RARB: variants seen among roughly 807,000 people sequenced by gnomAD.
The protein encoded by RARB is HBV-activated protein.
A neutral mutation model predicts 51.9 loss-of-function variants in RARB; 17 were observed. That is an observed-to-expected ratio of 0.33 (90% CI 0.22 to 0.49). RARB has a LOEUF of 0.49. Ranked by LOEUF, RARB falls within the 20% of genes least tolerant of loss-of-function variation. The probability of loss-of-function intolerance (pLI) is 0.99; values close to 1 mark genes in which losing one functional copy is unlikely to be tolerated. For synonymous variants in RARB, 215 were observed against 195.4 expected, an observed-to-expected ratio of 1.10 and a Z score of -0.84; for missense variants, 369 against 550.8, an observed-to-expected ratio of 0.67 and a Z score of 3.30.
At chr3:25,442,116 T>TTTTATTTATTTA (rs148774111) in intron 1 of RARB, among the ~76,000 whole-genome samples, 2,049 of 147,794 alleles carry the variant, frequency 0.014, 29 homozygotes, top group Middle Eastern at 0.028. Flanking sequence ...TTTATTTTAT[T>TTTTATTTATTTA]TTTATTTATT....
At chr3:25,351,634 G>T (rs555355319) in intron 5 of RARB, among the ~76,000 whole-genome samples, 1 of 152,184 alleles carries the variant, frequency 6.6e-6, no homozygotes, top group African/African-American at 2.4e-5. Flanking sequence ...ACACTTGGGC[G>T]TTTTCAAAAG....
chr3:25,099,753 TTCCGAGTCTCGGCAA>T (rs1283348783), intron 3 of RARB, among the ~76,000 whole-genome samples: 2 of 152,134 alleles, frequency 1.3e-5, no homozygotes, highest in Admixed American at 1.3e-4. Context: ...TTTTTCGGTT[TTCCGAGTCTCGGCAA>T]TCATAGACCT....
At chr3:25,205,371 C>A (rs1000696530) in intron 5 of RARB, among the ~76,000 whole-genome samples, 1 of 152,182 alleles carries the variant, frequency 6.6e-6, no homozygotes, top group Non-Finnish European at 1.5e-5. Context: ...CCTTGCACTT[C>A]CCGGGTGAGG....
At chr3:24,969,220 T>C (rs1415101924) in intron 2 of RARB, among the ~76,000 whole-genome samples, 1 of 152,094 alleles carries the variant, frequency 6.6e-6, no homozygotes, top group Non-Finnish European at 1.5e-5. Context: ...TCAATCTAAA[T>C]TTTCTTACCT....
At chr3:25,286,634 A>G (rs916512514) in intron 5 of RARB, among the ~76,000 whole-genome samples, 1 of 152,182 alleles carries the variant, frequency 6.6e-6, no homozygotes, top group East Asian at 1.9e-4. Flanking sequence ...GGCCCTTTGG[A>G]GGAAACTCCA....
At chr3:25,270,290 T>C (rs1356780324) in intron 5 of RARB, among the ~76,000 whole-genome samples, 1 of 152,144 alleles carries the variant, frequency 6.6e-6, no homozygotes, top group Non-Finnish European at 1.5e-5. Flanking sequence ...CAACAGAATA[T>C]TATTTTGCTT....
chr3:25,528,626 C>A lies in RARB; in HGVS notation c.448+27303C>A, dbSNP rs548232691. On this transcript the variant is annotated intron_variant, in intron 3 of 7. Coordinates refer to ENST00000330688, the MANE Select transcript of RARB (RefSeq NM_000965.5). ...GATCCAATCAGGTGGGATCTCAAAGCAGTCTCCTTCCCCTTACCTCCTCCT... is the reference window on the plus strand; with the variant it reads ...GATCCAATCAGGTGGGATCTCAAAGAAGTCTCCTTCCCCTTACCTCCTCCT... Among the ~76,000 whole-genome samples the A allele has an allele frequency of 1.1e-4, 17 of 152,186 alleles. 1 individual carries two copies. In the South Asian group the frequency reaches 3.1e-3, roughly 28 times the overall value.
rs541589184 is a variant in RARB, at chr3:25,403,354, CA to C, written c.179-57835del. On this transcript the variant is annotated intron_variant, in intron 5 of 11. Coordinates refer to the RARB transcript ENST00000383772. ...GTTATTTCACATTGCATGCCTGTAT[CA>C]AAACATCTCATGTACCCATAAATAT... Among the ~76,000 whole-genome samples the C allele has an allele frequency of 3.3e-3, 504 of 152,146 alleles. 5 individuals are homozygous for C. Among genetic ancestry groups the C allele is most frequent in the African/African-American group, 0.011 (476 of 41,506 alleles).
At chr3:25,421,508 T>G (rs140303743) in intron 5 of RARB, among the ~76,000 whole-genome samples, 1 of 146,220 alleles carries the variant, frequency 6.8e-6, no homozygotes, top group African/African-American at 2.6e-5. Flanking sequence ...ACCTCCCAGG[T>G]TCAAGCAATT....
chr3:25,141,321 G>T (rs1039422496), intron 4 of RARB, among the ~76,000 whole-genome samples: 5 of 151,844 alleles, frequency 3.3e-5, no homozygotes, highest in Admixed American at 3.3e-4. Context: ...GAATAAGGAT[G>T]GTACAAATAG....
rs116922359 is a variant in RARB at position 25,195,078 on chromosome 3, A to G, written c.178+20503A>G. Among the ~76,000 whole-genome samples the G allele has an allele frequency of 6.3e-3, 958 of 152,202 alleles. 18 individuals carry two copies. The highest frequency in any genetic ancestry group is 0.03 in the East Asian group (155 of 5,172). On this transcript the variant is annotated intron_variant, in intron 5 of 11. Transcript: ENST00000383772. ...TCTCTAAAAGTGTGTGCTTGACATC[A>G]GTCAGTAATTAGAAGGCAAAAGACA...
At chr3:25,432,617 A>AC (rs1176057097) in intron 1 of RARB, among the ~76,000 whole-genome samples, 1 of 152,210 alleles carries the variant, frequency 6.6e-6, no homozygotes, top group African/African-American at 2.4e-5. Context: ...AATAAAAAAA[A>AC]GTTCTTCTGG....
At chr3:25,533,724 A>G (rs560533322) in intron 3 of RARB, among the ~76,000 whole-genome samples, 14 of 152,358 alleles carry the variant, frequency 9.2e-5, no homozygotes, top group Non-Finnish European at 2.1e-4. Flanking sequence ...CTATTAGACA[A>G]TGCTAAATGA....
intron 3 of RARB, among the ~76,000 whole-genome samples, chr3:25,545,527 A>G (rs1255811019): frequency 6.6e-6 from 1 of 152,128 alleles, no homozygotes; most frequent in Non-Finnish European, 1.5e-5. Context: ...CTGGCCATCC[A>G]ACGTTCACCC....
chr3:24,921,104 C>T (rs1292371613), intron 2 of RARB, among the ~76,000 whole-genome samples: 1 of 152,100 alleles, frequency 6.6e-6, no homozygotes, highest in Non-Finnish European at 1.5e-5. Context: ...TTACTAATCT[C>T]TTAACTAGTA....
chr3:25,286,144 A>C (rs1368007365), intron 5 of RARB, among the ~76,000 whole-genome samples: 1 of 120,612 alleles, frequency 8.3e-6, no homozygotes, highest in Non-Finnish European at 1.6e-5. Context: ...GCTGGAGTGC[A>C]GTGGCATGAT....
At chr3:25,171,643 T>TCAAAAAAAAAAAA (rs1553639737) in intron 4 of RARB, among the ~76,000 whole-genome samples, 1 of 45,462 alleles carries the variant, frequency 2.2e-5, no homozygotes, top group East Asian at 7.0e-4. Context: ...CCCTGGTTGG[T>TCAAAAAAAAAAAA]AAAAAAAAAA....
chr3:25,413,434 T>C lies in RARB; in HGVS notation c.179-47759T>C, dbSNP rs570366981. Among the ~76,000 whole-genome samples, 8 of 152,354 alleles carry C rather than the reference T, an allele frequency of 5.3e-5. No homozygotes were observed. In the East Asian group the frequency reaches 1.5e-3, roughly 29 times the overall value. ...ATTATGATTAGTACAATTATGATTA[T>C]GTTTTTTGTATATGCCTTTTACATG... On this transcript the variant is annotated intron_variant, in intron 5 of 11. Coordinates refer to the RARB transcript ENST00000383772.
In RARB at chr3:25,202,271, G is replaced by C. The variant is rs189965247; in HGVS notation, c.178+27696G>C. Among the ~76,000 whole-genome samples, 4 of 152,086 alleles carry C rather than the reference G, an allele frequency of 2.6e-5. No individual in the cohort carries two copies. In the East Asian group the frequency reaches 7.7e-4, roughly 29 times the overall value. On this transcript the variant is annotated intron_variant, in intron 5 of 11. Coordinates refer to the RARB transcript ENST00000383772. ...TGGTAGTTTGTATTTATGTGGGATT[G>C]GTGGTGATATCCCCTTTACCATTTT... is the stretch of plus-strand genomic sequence containing the variant.
Sources: allele counts gnomAD v4.1 joint callset (sites outside exome capture counted in the v4.1 genomes callset), GRCh38; gene constraint gnomAD v4.1.1; transcripts MANE v1.5; gene names NCBI Gene and HGNC (gene_info 2026-07-23, HGNC 2026-07-21).